TIFAB: variants seen among roughly 807,000 people sequenced by gnomAD.
TIFAB encodes TIFA inhibitor.
For synonymous variants in TIFAB, 116 were observed against 95.2 expected (o/e 1.22, Z -1.27); for missense variants, 222 against 203.6 (o/e 1.09, Z -0.55).
rs573823024 is a variant in TIFAB, at chr5:135,445,376, T to G, written c.*4078A>C. On this transcript the variant is annotated 3_prime_UTR_variant, in exon 2 of 2. Transcript: ENST00000537858. ...GCCAGAGGGTCTGTGCTGTCCCTGCTGAGGCCTACAGGAGGCAGAGACATT... is the reference window on the plus strand; with the variant it reads ...GCCAGAGGGTCTGTGCTGTCCCTGCGGAGGCCTACAGGAGGCAGAGACATT... The G allele has an allele frequency of 2.6e-5, 4 of 152,506 alleles. No homozygotes were observed. In the South Asian group the frequency reaches 8.3e-4, roughly 32 times the overall value. The allele number at this position is 152,506 out of a possible 1,614,324, so 9.4% of individuals were successfully genotyped here. A position where few individuals can be genotyped will look rare whatever the true frequency, so the allele number is the denominator to read the frequency against.
Position 135,447,433 on chromosome 5 carries a change from C to A in TIFAB, c.*2021G>T. ...TCTCAGGTCTCATGATAGTAGCTAA[C>A]CCTTATTAAGTGTGTGCTGGGCACT... On this transcript the variant is annotated 3_prime_UTR_variant, in exon 2 of 2. Coordinates refer to ENST00000537858, the MANE Select transcript of TIFAB (RefSeq NM_001099221.2). 2.5e-6 allele frequency: 1 copy of A among 396,066 alleles called. No individual in the cohort carries two copies. The highest frequency in any genetic ancestry group is 2.1e-5 in the African/African-American group (1 of 48,556). 24.5% of individuals were successfully genotyped at this position (396,066 alleles called of 1,614,324 possible).
rs1251957632 is a variant in TIFAB at position 135,445,257 on chromosome 5, C to G, written c.*4197G>C. 6.6e-6 allele frequency: 1 copy of G among 152,206 alleles called. No homozygotes were observed. Among genetic ancestry groups the G allele is most frequent in the East Asian group, 1.9e-4 (1 of 5,178 alleles). The allele number at this position is 152,206 out of a possible 1,614,324, so 9.4% of individuals were successfully genotyped here. ...GTCACCACACAGAATCCCAAAACCC[C>G]AGGGTTCTGCTTGAGTTAGAGCTAC... On this transcript the variant is annotated 3_prime_UTR_variant, in exon 2 of 2. Coordinates refer to ENST00000537858, the MANE Select transcript of TIFAB (RefSeq NM_001099221.2).
chr5:135,450,009 C>T (rs1769338961), intron 1 of TIFAB, 60 bp from the exon 2 acceptor site: 1 of 1,505,354 alleles, frequency 6.6e-7, no homozygotes, highest in Non-Finnish European at 8.9e-7. Flanking sequence ...CTGTGGCTCC[C>T]TGAGCCCAGA....
chr5:135,449,300 A>G lies in TIFAB; in HGVS notation c.*154T>C. On this transcript the variant is annotated 3_prime_UTR_variant, in exon 2 of 2. Coordinates refer to ENST00000537858, the MANE Select transcript of TIFAB (RefSeq NM_001099221.2). ...AAGTATTTCAAATCCTGTTTCATCT[A>G]GCAAAGGCTTGCTCTAGTGGCAGGG... The G allele has an allele frequency of 9.0e-7, 1 of 1,110,240 alleles. No homozygotes were observed. The highest frequency in any genetic ancestry group is 1.3e-6 in the Non-Finnish European group (1 of 795,012). 68.8% of individuals were successfully genotyped at this position (1,110,240 alleles called of 1,614,324 possible).
In TIFAB at chr5:135,449,068, AG is replaced by A. The variant is rs1236847552; in HGVS notation, c.*385del. On this transcript the variant is annotated 3_prime_UTR_variant, in exon 2 of 2. Coordinates refer to ENST00000537858, the MANE Select transcript of TIFAB (RefSeq NM_001099221.2). ...ATAAAGTAACTCCTAGTCAGACAAC[AG>A]GGAGAAATGTGTGGAAATGCTGAGA... 2 of 224,280 alleles carry A rather than the reference AG, an allele frequency of 8.9e-6. No individual in the cohort carries two copies. The highest frequency in any genetic ancestry group is 1.0e-4 in the Admixed American group (2 of 19,892). The allele number at this position is 224,280 out of a possible 1,614,324, so 13.9% of individuals were successfully genotyped here.
At chr5:135,450,345 C>T (rs1391378351) in intron 1 of TIFAB, among the ~76,000 whole-genome samples, 1 of 152,186 alleles carries the variant, frequency 6.6e-6, no homozygotes, top group Non-Finnish European at 1.5e-5. Flanking sequence ...GACAGTCACA[C>T]AACAAACCCT....
rs142806147 is a variant in TIFAB, at chr5:135,450,332, TC to T, written c.-10-384del. Among the ~76,000 whole-genome samples, 253 of 152,324 alleles carry T rather than the reference TC, an allele frequency of 1.7e-3. 1 individual carries two copies. Among genetic ancestry groups the T allele is most frequent in the African/African-American group, 5.8e-3 (240 of 41,558 alleles). The stretch of plus-strand genomic sequence containing the variant: ...ACAGACTGGCTACATTTTCCTTGTA[TC>T]TGACAGTCACACAACAAACCCTTGC... On this transcript the variant is annotated intron_variant, in intron 1 of 1. Transcript: ENST00000537858.
Position 135,446,799 on chromosome 5 carries a change from C to T in TIFAB, c.*2655G>A. 6.2e-7 allele frequency: 1 copy of T among 1,613,948 alleles called. No individual in the cohort carries two copies. The highest frequency in any genetic ancestry group is 8.5e-7 in the Non-Finnish European group (1 of 1,179,838). ...TCATCCTGGGTCCCTGAGGGCCTCG[C>T]AGATGCTTCACTCGAAAGATTGGAG... On this transcript the variant is annotated 3_prime_UTR_variant, in exon 2 of 2. Transcript: ENST00000537858.
chr5:135,446,873 C>G lies in TIFAB; in HGVS notation c.*2581G>C, dbSNP rs749504385. The G allele has an allele frequency of 6.2e-7, 1 of 1,613,838 alleles. No individual in the cohort carries two copies. Among genetic ancestry groups the G allele is most frequent in the South Asian group, 1.1e-5 (1 of 91,066 alleles). On this transcript the variant is annotated 3_prime_UTR_variant, in exon 2 of 2. Transcript: ENST00000537858. ...TTGAACTGCCCCCTCTCGCAGGACC[C>G]CAGCTGGCAAGGTTTTGTTCCTCCC...
chr5:135,447,129 C>T lies in TIFAB; in HGVS notation c.*2325G>A. ...TGCATAGTTGGGGGACCATTTTGGT[C>T]AGTGACAGATCACTGCTGCTTTTCA... On this transcript the variant is annotated 3_prime_UTR_variant, in exon 2 of 2. Coordinates refer to ENST00000537858, the MANE Select transcript of TIFAB (RefSeq NM_001099221.2). 15 of 1,613,850 alleles carry T rather than the reference C, an allele frequency of 9.3e-6. No homozygotes were observed. The highest frequency in any genetic ancestry group is 1.3e-5 in the Non-Finnish European group (15 of 1,179,878).
chr5:135,449,578 G>C lies in TIFAB; in HGVS notation c.362C>G (p.Ser121Cys). The C allele has an allele frequency of 6.2e-7, 1 of 1,614,250 alleles. No individual in the cohort carries two copies. The highest frequency in any genetic ancestry group is 8.5e-7 in the Non-Finnish European group (1 of 1,180,054). Reference protein sequence around the residue: ...QMLVRVEEGTSLEAFVCYFHV... With the variant: ...QMLVRVEEGTCLEAFVCYFHV... ...GAAATAGCAGACAAAAGCCTCCAGGGATGTGCCTTCTTCTACGCGAACCAG... is the reference window on the plus strand; with the variant it reads ...GAAATAGCAGACAAAAGCCTCCAGGCATGTGCCTTCTTCTACGCGAACCAG... Residue 121 changes from serine to cysteine, a missense_variant, in exon 2 of 2, where the codon TCC becomes TGC. Coordinates refer to ENST00000537858, the MANE Select transcript of TIFAB (RefSeq NM_001099221.2).
rs1769330709 is a variant in TIFAB, at chr5:135,449,631, G to A, written c.309C>T (p.Asn103=). The A allele has an allele frequency of 6.2e-7, 1 of 1,614,230 alleles. No homozygotes were observed. Among genetic ancestry groups the A allele is most frequent in the Non-Finnish European group, 8.5e-7 (1 of 1,180,054 alleles). Residue 103 remains asparagine (N), a synonymous_variant, in exon 2 of 2, where the codon AAC becomes AAT. Transcript: ENST00000537858. ...TCTGGATGCCTGAGAAGGAGACCCT[G>A]TTGACGGTGCTCAGGGGGACCTGCT... ...YLEQVPLSTV[N]RVSFSGIQML...
In TIFAB at chr5:135,444,829, T is replaced by C. The variant is rs1473525724; in HGVS notation, c.*4625A>G. 6.6e-6 allele frequency: 1 copy of C among 152,200 alleles called. No homozygotes were observed. Among genetic ancestry groups the C allele is most frequent in the Non-Finnish European group, 1.5e-5 (1 of 68,072 alleles). The allele number at this position is 152,200 out of a possible 1,614,324, so 9.4% of individuals were successfully genotyped here. On this transcript the variant is annotated 3_prime_UTR_variant, in exon 2 of 2. Transcript: ENST00000537858. ...CCGTCCATTTGAAGGGATAGGGAAATATTCCCTCAGTGTCCTGCTGTGAAA... is the reference window on the plus strand; with the variant it reads ...CCGTCCATTTGAAGGGATAGGGAAACATTCCCTCAGTGTCCTGCTGTGAAA...
Position 135,449,239 on chromosome 5 carries a change from G to C in TIFAB, c.*215C>G. 8.4e-6 allele frequency: 6 copies of C among 712,592 alleles called. No homozygotes were observed. The South Asian group carries it at 1.2e-4, about 14-fold the overall frequency. The allele number at this position is 712,592 out of a possible 1,614,324, so 44.1% of individuals were successfully genotyped here. ...TGGTTCATTATGAGCAAGGCAGCCA[G>C]TGGGTTTTGCTTGTCAACCTTGCAT... is the stretch of plus-strand genomic sequence containing the variant. On this transcript the variant is annotated 3_prime_UTR_variant, in exon 2 of 2. Transcript: ENST00000537858.
Position 135,450,007 on chromosome 5 carries a change from C to T in TIFAB, c.-10-58G>A. ...GCTTCAGTCAGAGACCTCTGTGGCT[C>T]CCTGAGCCCAGACACACTTGCCCAC... On this transcript the variant is annotated intron_variant, in intron 1 of 1. Transcript: ENST00000537858. 3.3e-6 allele frequency: 5 copies of T among 1,506,270 alleles called. No homozygotes were observed. The South Asian group carries it at 6.9e-5, about 21-fold the overall frequency. The allele number at this position is 1,506,270 out of a possible 1,614,324, so 93.3% of individuals were successfully genotyped here. A position where few individuals can be genotyped will look rare whatever the true frequency, so the allele number is the denominator to read the frequency against.
chr5:135,450,690 A>G (rs1302340139), intron 1 of TIFAB: 1 of 152,304 alleles, frequency 6.6e-6, no homozygotes, highest in African/African-American at 2.4e-5. Context: ...CCTGTGGCCC[A>G]GGACCTGCCA....
In TIFAB at chr5:135,446,331, T is replaced by C. The variant is rs1175168650; in HGVS notation, c.*3123A>G. ...ATGTGCACTGTATGTTCGTGTTTAGTGTATGTCTGTGCATACTTGCGTGTG... is the reference window on the plus strand; with the variant it reads ...ATGTGCACTGTATGTTCGTGTTTAGCGTATGTCTGTGCATACTTGCGTGTG... On this transcript the variant is annotated 3_prime_UTR_variant, in exon 2 of 2. Coordinates refer to ENST00000537858, the MANE Select transcript of TIFAB (RefSeq NM_001099221.2). 3 of 1,552,692 alleles carry C rather than the reference T, an allele frequency of 1.9e-6. No individual in the cohort carries two copies. The highest frequency in any genetic ancestry group is 2.6e-6 in the Non-Finnish European group (3 of 1,147,484).
At chr5:135,451,074 G>T (rs1331251795) in intron 1 of TIFAB, among the ~76,000 whole-genome samples, 2 of 152,198 alleles carry the variant, frequency 1.3e-5, no homozygotes, top group Non-Finnish European at 2.9e-5. Flanking sequence ...GCTGGGTATG[G>T]TCTGGGCTGT....
rs17168357 is a variant in TIFAB at position 135,446,323 on chromosome 5, G to A, written c.*3131C>T. ...CAGCGTTCATGTGCACTGTATGTTC[G>A]TGTTTAGTGTATGTCTGTGCATACT... On this transcript the variant is annotated 3_prime_UTR_variant, in exon 2 of 2. Transcript: ENST00000537858. 0.15 allele frequency: 223,846 copies of A among 1,538,038 alleles called. 16,804 individuals are homozygous for A. Among genetic ancestry groups the A allele is most frequent in the African/African-American group, 0.21 (15,336 of 72,892 alleles).
Sources: allele counts gnomAD v4.1 joint callset (sites outside exome capture counted in the v4.1 genomes callset), GRCh38; gene constraint gnomAD v4.1.1; transcripts MANE v1.5; gene names NCBI Gene and HGNC (gene_info 2026-07-23, HGNC 2026-07-21).